BRD1: variants seen among roughly 807,000 people sequenced by gnomAD.
BRD1 encodes bromodomain containing 1.
Under a neutral mutation model 107.7 loss-of-function variants are expected in BRD1, and 24 were observed. The ratio of observed to expected loss-of-function variants is 0.22; its 90% confidence interval spans 0.16 to 0.31. BRD1 has a LOEUF of 0.31. Among genes scored for constraint, BRD1 ranks in the 10% least tolerant of loss-of-function variants. The probability of loss-of-function intolerance (pLI) is 1.00; values close to 1 mark genes in which losing one functional copy is unlikely to be tolerated. For synonymous variants in BRD1, 744 were observed against 686.1 expected (o/e 1.08, Z -1.32); for missense variants, 1,279 against 1,638.6 (o/e 0.78, Z 3.79).
In BRD1 at chr22:49,781,686, T is replaced by A. The variant is rs374389433; in HGVS notation, c.2858-3873A>T. 7.2e-5 allele frequency among the ~76,000 whole-genome samples: 11 copies of A among 152,212 alleles called. No individual in the cohort carries two copies. In the South Asian group the frequency reaches 2.3e-3, roughly 32 times the overall value. Reference sequence around the variant, plus strand: ...GGGAAGCTTGGCCGTATGAAGCAGGTGGGCTGAGCCTGCACCCTGAAGACC... The same window carrying A: ...GGGAAGCTTGGCCGTATGAAGCAGGAGGGCTGAGCCTGCACCCTGAAGACC... On this transcript the variant is annotated intron_variant, in intron 8 of 12. Coordinates refer to ENST00000404760, the MANE Select transcript of BRD1 (RefSeq NM_001304808.3).
intron 2 of BRD1, among the ~76,000 whole-genome samples, chr22:49,812,276 ATGT>A (rs571330896): frequency 9.9e-5 from 15 of 152,278 alleles, no homozygotes; most frequent in African/African-American, 3.4e-4. Flanking sequence ...ATCTTACAAC[ATGT>A]TGTATCCATC....
At chr22:49,784,084 G>A (rs753813001) in intron 8 of BRD1, among the ~76,000 whole-genome samples, 2 of 152,008 alleles carry the variant, frequency 1.3e-5, no homozygotes, top group Non-Finnish European at 1.5e-5. Context: ...GCGCTCTCAC[G>A]CCCCAGCACG....
At chr22:49,826,990 T>C (rs2060153783) in intron 1 of BRD1, among the ~76,000 whole-genome samples, 1 of 151,990 alleles carries the variant, frequency 6.6e-6, no homozygotes, top group Admixed American at 6.5e-5. Context: ...CGGTGCCGGT[T>C]CCCAAGCCCG....
At chr22:49,784,830 C>T (rs951390773) in intron 8 of BRD1, among the ~76,000 whole-genome samples, 3 of 152,212 alleles carry the variant, frequency 2.0e-5, no homozygotes, top group Non-Finnish European at 2.9e-5. Flanking sequence ...TCCCCGGGCG[C>T]CTCGGCCACA....
At position 49,774,075 on chromosome 22, in the gene BRD1, G is replaced by C. The variant is rs933607568; in HGVS notation, c.*158C>G. On this transcript the variant is annotated 3_prime_UTR_variant, in exon 13 of 13. Transcript: ENST00000404760. ...CACTCACAGCGCCCAGACGGAGATG[G>C]GTTCCTAGAAAACTTGGAAATAAAA... 1 of 1,040,434 alleles carries C rather than the reference G, an allele frequency of 9.6e-7. No homozygotes were observed. Among genetic ancestry groups the C allele is most frequent in the Non-Finnish European group, 1.3e-6 (1 of 741,594 alleles). 64.5% of individuals were successfully genotyped at this position (1,040,434 alleles called of 1,614,324 possible).
At chr22:49,798,489 C>G in intron 5 of BRD1, 69 bp downstream of exon 5, 2 of 1,612,614 alleles carry the variant, frequency 1.2e-6, no homozygotes, top group East Asian at 2.2e-5. Flanking sequence ...CACACGTTTC[C>G]CGGTCAAACG....
chr22:49,786,001 C>A (rs1488625534), intron 8 of BRD1, among the ~76,000 whole-genome samples: 2 of 152,216 alleles, frequency 1.3e-5, no homozygotes, highest in Non-Finnish European at 2.9e-5. Context: ...CCATCTGCAC[C>A]CGGCCTGGTG....
rs1304371154 is a variant in BRD1, at chr22:49,792,944, G to A, written c.2359+1090C>T. Reference sequence around the variant, plus strand: ...ACCTGTGTGGCATCATGAAGACACTGCGTCACTCCGAGCACAGACGTCCAT... The same window carrying A: ...ACCTGTGTGGCATCATGAAGACACTACGTCACTCCGAGCACAGACGTCCAT... On this transcript the variant is annotated intron_variant, in intron 7 of 12. Transcript: ENST00000404760. The surrounding 1 kb of genome is among the most constrained non-coding windows in gnomAD (Gnocchi z 4.2). 6.6e-6 allele frequency among the ~76,000 whole-genome samples: 1 copy of A among 152,198 alleles called. No homozygotes were observed. Among genetic ancestry groups the A allele is most frequent in the African/African-American group, 2.4e-5 (1 of 41,448 alleles).
chr22:49,790,836 T>A (rs138844), intron 7 of BRD1, among the ~76,000 whole-genome samples: 2,761 of 152,146 alleles, frequency 0.018, 40 homozygotes, highest in Non-Finnish European at 0.023. Context: ...GGGCCACAGT[T>A]CTCCACGTGC....
At chr22:49,798,503 G>A (rs2059578404) in intron 5 of BRD1, 55 bp downstream of exon 5, 1 of 1,613,852 alleles carries the variant, frequency 6.2e-7, no homozygotes, top group Non-Finnish European at 8.5e-7. Flanking sequence ...TCAAACGGCA[G>A]CACAAATCCA....
intron 3 of BRD1, among the ~76,000 whole-genome samples, chr22:49,799,429 G>A (rs1251237556): frequency 6.6e-6 from 1 of 152,226 alleles, no homozygotes; most frequent in African/African-American, 2.4e-5. Context: ...GGCGGGGGGG[G>A]CCTTCACAGA....
intron 3 of BRD1, among the ~76,000 whole-genome samples, chr22:49,800,277 A>G (rs946377653): frequency 1.7e-4 from 26 of 152,172 alleles, no homozygotes; most frequent in African/African-American, 6.0e-4. Context: ...CCCCAAGGCC[A>G]GGCCTCTCCA....
Position 49,803,857 on chromosome 22 carries a change from G to A in BRD1, c.1524+347C>T, listed in dbSNP as rs888808039. On this transcript the variant is annotated intron_variant, in intron 3 of 12. Transcript: ENST00000404760. The surrounding 1 kb of genome is among the most constrained non-coding windows in gnomAD (Gnocchi z 4.4). ...GTCCCACTCCTGCTGTCCCCAGCCC[G>A]GACGCTCATGCAGCCACAGCATAAC... 4.6e-5 allele frequency among the ~76,000 whole-genome samples: 7 copies of A among 152,160 alleles called. No individual in the cohort carries two copies. The highest frequency in any genetic ancestry group is 1.3e-4 in the Admixed American group (2 of 15,280).
At chr22:49,793,199 C>T (rs1271298351) in intron 7 of BRD1, among the ~76,000 whole-genome samples, 1 of 152,188 alleles carries the variant, frequency 6.6e-6, no homozygotes, top group African/African-American at 2.4e-5. Flanking sequence ...GACTTTCTAT[C>T]AACGTCTCCA....
At chr22:49,813,790 T>C (rs954194217) in intron 2 of BRD1, among the ~76,000 whole-genome samples, 1 of 150,862 alleles carries the variant, frequency 6.6e-6, no homozygotes, top group Non-Finnish European at 1.5e-5. Context: ...GACTGTGCCA[T>C]TGCACTCCAG....
chr22:49,809,001 C>T (rs945713759), intron 2 of BRD1, among the ~76,000 whole-genome samples: 8 of 152,048 alleles, frequency 5.3e-5, no homozygotes, highest in African/African-American at 1.9e-4. Flanking sequence ...CGCCCGTAAT[C>T]CTAGCTATTC....
chr22:49,789,570 G>C (rs2059393840), intron 7 of BRD1, among the ~76,000 whole-genome samples: 1 of 149,426 alleles, frequency 6.7e-6, no homozygotes, highest in Non-Finnish European at 1.5e-5. Flanking sequence ...GCAGGGCCAA[G>C]GCCAGTGGTC....
In BRD1 at chr22:49,803,546, AAACCC is replaced by A. The variant is rs1298808681; in HGVS notation, c.1524+653_1524+657del. On this transcript the variant is annotated intron_variant, in intron 3 of 12. Transcript: ENST00000404760. The surrounding 1 kb of genome is among the most constrained non-coding windows in gnomAD (Gnocchi z 4.4). ...TCTCACAGAAGCTACTTCACTCTGT[AAACCC>A]ATTTTTTCAGAACTGTTTCACAGTA... Among the ~76,000 whole-genome samples, 2 of 152,214 alleles carry A rather than the reference AAACCC, an allele frequency of 1.3e-5. No homozygotes were observed. Among genetic ancestry groups the A allele is most frequent in the African/African-American group, 4.8e-5 (2 of 41,452 alleles).
At chr22:49,791,910 T>C (rs559122340) in intron 7 of BRD1, among the ~76,000 whole-genome samples, 1 of 152,286 alleles carries the variant, frequency 6.6e-6, no homozygotes, top group South Asian at 2.1e-4. Flanking sequence ...AGGCCACCTG[T>C]GTCTCAGTCA....
Sources: allele counts gnomAD v4.1 joint callset (sites outside exome capture counted in the v4.1 genomes callset), GRCh38; gene constraint gnomAD v4.1.1; non-coding constraint Gnocchi (gnomAD v3.1); transcripts MANE v1.5; gene names NCBI Gene and HGNC (gene_info 2026-07-23, HGNC 2026-07-21).